TPST1: variants seen among roughly 807,000 people sequenced by gnomAD.
TPST1 encodes the protein protein-tyrosine sulfotransferase 1.
Under a neutral mutation model 34.8 loss-of-function variants are expected in TPST1, and 20 were observed. That is an observed-to-expected ratio of 0.57 (90% CI 0.40 to 0.84). The LOEUF (loss-of-function observed/expected upper bound fraction) is 0.84. Among genes scored for constraint, TPST1 ranks in the 40% least tolerant of loss-of-function variants. The pLI is 0.00. For missense variants in TPST1, 353 were observed against 455.5 expected, an observed-to-expected ratio of 0.78 and a Z score of 2.05; for synonymous variants, 152 against 159.4, an observed-to-expected ratio of 0.95 and a Z score of 0.35.
chr7:66,340,194 A>G (rs1457610850), intron 3 of TPST1, among the ~76,000 whole-genome samples: 6 of 151,942 alleles, frequency 3.9e-5, no homozygotes, highest in African/African-American at 1.2e-4. Context: ...AGCCTGGGTG[A>G]TAGAGCGAGA....
At chr7:66,342,187 C>T (rs1267332505) in intron 3 of TPST1, among the ~76,000 whole-genome samples, 1 of 152,042 alleles carries the variant, frequency 6.6e-6, no homozygotes, top group Non-Finnish European at 1.5e-5. Flanking sequence ...CTGTAGAACA[C>T]CAAGGACAAA....
chr7:66,229,953 C>T (rs978704338), intron 1 of TPST1, among the ~76,000 whole-genome samples: 2 of 152,120 alleles, frequency 1.3e-5, no homozygotes, highest in African/African-American at 4.8e-5. Context: ...TCTTGGGAGG[C>T]CGAGGCGGGC....
intron 2 of TPST1, among the ~76,000 whole-genome samples, chr7:66,250,220 C>T (rs764963718): frequency 5.3e-5 from 8 of 152,134 alleles, no homozygotes; most frequent in Non-Finnish European, 1.0e-4. Context: ...TCACACTCAC[C>T]CATAGGTGCC....
chr7:66,234,335 C>A (rs908579121), intron 1 of TPST1, among the ~76,000 whole-genome samples: 7 of 150,272 alleles, frequency 4.7e-5, no homozygotes, highest in Non-Finnish European at 8.9e-5. Flanking sequence ...ATTGCTTTAT[C>A]TTTTCCTAGT....
chr7:66,253,030 A>G (rs188222949), intron 2 of TPST1, among the ~76,000 whole-genome samples: 1 of 152,316 alleles, frequency 6.6e-6, no homozygotes, highest in African/African-American at 2.4e-5. Flanking sequence ...CCTCAGGTCA[A>G]AAACATTCAG....
chr7:66,230,856 G>C (rs538941258), intron 1 of TPST1, among the ~76,000 whole-genome samples: 1 of 152,084 alleles, frequency 6.6e-6, no homozygotes, highest in Non-Finnish European at 1.5e-5. Flanking sequence ...TGATTGGTGT[G>C]TTTACAATCC....
intron 1 of TPST1, chr7:66,221,520 C>G (rs1005835185): frequency 6.6e-6 from 1 of 152,212 alleles, no homozygotes; most frequent in African/African-American, 2.4e-5. Flanking sequence ...TGCCGGTGAA[C>G]ATCCAGATAG....
intron 3 of TPST1, among the ~76,000 whole-genome samples, chr7:66,343,145 A>G (rs1055047882): frequency 6.6e-6 from 1 of 152,202 alleles, no homozygotes; most frequent in Non-Finnish European, 1.5e-5. Context: ...GTGTAATGAT[A>G]GTGGATTACT....
chr7:66,268,509 G>A (rs1337638288), intron 2 of TPST1, among the ~76,000 whole-genome samples: 1 of 152,086 alleles, frequency 6.6e-6, no homozygotes, highest in Non-Finnish European at 1.5e-5. Context: ...AGGAGTCAGG[G>A]TATTGGGTCC....
At chr7:66,347,217 G>A (rs2116362628) in intron 3 of TPST1, among the ~76,000 whole-genome samples, 1 of 151,714 alleles carries the variant, frequency 6.6e-6, no homozygotes, top group South Asian at 2.1e-4. Context: ...TCAGGTATAT[G>A]CCACCATGCC....
chr7:66,312,945 G>A (rs1296554580), intron 3 of TPST1, among the ~76,000 whole-genome samples: 3 of 151,904 alleles, frequency 2.0e-5, no homozygotes, highest in African/African-American at 7.3e-5. Context: ...ACTTTCCAGG[G>A]TTGAAAATGA....
rs146578825 is a variant in TPST1 at position 66,246,433 on chromosome 7, G to T, written c.845+5163G>T. Among the ~76,000 whole-genome samples, 3 of 152,230 alleles carry T rather than the reference G, an allele frequency of 2.0e-5. No homozygotes were observed. In the East Asian group the frequency reaches 5.8e-4, roughly 29 times the overall value. ...TACAAGTGACAGAGTAAAATGGGCTGTGAAAGGAAATCAGAGAGCTGATGA... is the reference window on the plus strand; with the variant it reads ...TACAAGTGACAGAGTAAAATGGGCTTTGAAAGGAAATCAGAGAGCTGATGA... On this transcript the variant is annotated intron_variant, in intron 2 of 5. Transcript: ENST00000304842.
chr7:66,328,487 A>G (rs1791917031), intron 3 of TPST1, among the ~76,000 whole-genome samples: 1 of 152,148 alleles, frequency 6.6e-6, no homozygotes, highest in Non-Finnish European at 1.5e-5. Flanking sequence ...CCTTTGTTAC[A>G]GAATAGGTTG....
intron 1 of TPST1, among the ~76,000 whole-genome samples, chr7:66,215,210 A>C: frequency 6.7e-6 from 1 of 148,926 alleles, no homozygotes; most frequent in East Asian, 2.0e-4. Flanking sequence ...ACGTGCCACC[A>C]AGCCCGGCTA....
intron 3 of TPST1, among the ~76,000 whole-genome samples, chr7:66,287,049 C>T (rs2115944901): frequency 7.6e-6 from 1 of 131,310 alleles, no homozygotes; most frequent in East Asian, 2.2e-4. Context: ...ATTCCCCTTC[C>T]TGTGTCCATG....
At chr7:66,222,535 G>A (rs1223085344) in intron 1 of TPST1, among the ~76,000 whole-genome samples, 1 of 152,198 alleles carries the variant, frequency 6.6e-6, no homozygotes, top group African/African-American at 2.4e-5. Context: ...TGGTATGTGT[G>A]CTTTGAGGTT....
chr7:66,294,262 G>A (rs1336242659), intron 3 of TPST1, among the ~76,000 whole-genome samples: 1 of 152,056 alleles, frequency 6.6e-6, no homozygotes, highest in African/African-American at 2.4e-5. Context: ...AGACAACCAT[G>A]CTAGCATAAG....
intron 4 of TPST1, among the ~76,000 whole-genome samples, chr7:66,354,916 C>T (rs1458350158): frequency 6.6e-6 from 1 of 151,568 alleles, no homozygotes; most frequent in Non-Finnish European, 1.5e-5. Flanking sequence ...TCACCTGAGC[C>T]CCAGAGGTTG....
intron 2 of TPST1, among the ~76,000 whole-genome samples, chr7:66,269,434 A>G (rs1204391252): frequency 1.3e-5 from 2 of 152,260 alleles, no homozygotes; most frequent in Admixed American, 6.5e-5. Context: ...CAACAAAAGA[A>G]TAGTTCACTA....
Sources: allele counts gnomAD v4.1 joint callset (sites outside exome capture counted in the v4.1 genomes callset), GRCh38; gene constraint gnomAD v4.1.1; transcripts MANE v1.5; gene names NCBI Gene and HGNC (gene_info 2026-07-23, HGNC 2026-07-21).